EYS: variants seen among roughly 807,000 people sequenced by gnomAD.
EYS encodes the protein EGF-like photoreceptor maintenance factor.
Under a neutral mutation model 282.1 loss-of-function variants are expected in EYS, and 250 were observed. That is an observed-to-expected ratio of 0.89 (90% CI 0.80 to 0.98). The LOEUF is 0.98. Among genes scored for constraint, EYS ranks in the 50% least tolerant of loss-of-function variants. The pLI is 0.00. For missense variants in EYS, 4,016 were observed against 3,709.0 expected, an observed-to-expected ratio of 1.08 and a Z score of -2.15; for synonymous variants, 1,355 against 1,282.9, an observed-to-expected ratio of 1.06 and a Z score of -1.20.
chr6:64,718,754 A>C (rs1249508493), intron 22 of EYS, among the ~76,000 whole-genome samples: 1 of 152,230 alleles, frequency 6.6e-6, no homozygotes, highest in Admixed American at 6.5e-5. Context: ...CTGTTGACAA[A>C]ATTAAAATAC....
intron 8 of EYS, among the ~76,000 whole-genome samples, chr6:65,363,141 A>T (rs34635667): frequency 0.22 from 32,949 of 148,628 alleles, 3,797 homozygotes; most frequent in South Asian, 0.38. Context: ...TGTGATCATC[A>T]GGGCTACAAA....
At chr6:64,650,096 G>A (rs1156834472) in intron 22 of EYS, among the ~76,000 whole-genome samples, 1 of 151,972 alleles carries the variant, frequency 6.6e-6, no homozygotes, top group African/African-American at 2.4e-5. Flanking sequence ...ATACTGTTAA[G>A]AAGTTAATGA....
chr6:64,548,682 G>T (rs557972168), intron 26 of EYS, among the ~76,000 whole-genome samples: 1 of 152,178 alleles, frequency 6.6e-6, no homozygotes, highest in African/African-American at 2.4e-5. Flanking sequence ...CTGTTGTGGG[G>T]TGTGGGGAGG....
intron 31 of EYS, among the ~76,000 whole-genome samples, chr6:64,171,201 A>G (rs961520928): frequency 6.6e-6 from 1 of 152,206 alleles, no homozygotes; most frequent in Non-Finnish European, 1.5e-5. Flanking sequence ...AAATCATCCA[A>G]ATAATGATAA....
At chr6:64,040,152 A>G (rs1167268848) in intron 33 of EYS, among the ~76,000 whole-genome samples, 1 of 152,200 alleles carries the variant, frequency 6.6e-6, no homozygotes, top group Non-Finnish European at 1.5e-5. Context: ...AATAATTCTT[A>G]TCTCTGCATT....
chr6:64,818,647 T>C (rs1255324391), intron 21 of EYS, among the ~76,000 whole-genome samples: 1 of 151,758 alleles, frequency 6.6e-6, no homozygotes, highest in Admixed American at 6.6e-5. Context: ...GAATTTGGAG[T>C]CAAATGTTTG....
At chr6:63,763,743 C>T (rs1464783139) in intron 40 of EYS, among the ~76,000 whole-genome samples, 1 of 151,784 alleles carries the variant, frequency 6.6e-6, no homozygotes, top group Admixed American at 6.6e-5. Flanking sequence ...AATTAAACCT[C>T]TTTCCTTTAT....
At chr6:64,132,473 C>T (rs1774012775) in intron 31 of EYS, among the ~76,000 whole-genome samples, 1 of 151,832 alleles carries the variant, frequency 6.6e-6, no homozygotes, top group Non-Finnish European at 1.5e-5. Context: ...TCAAGAATCT[C>T]TTTTCTTGCA....
chr6:64,577,694 C>T (rs1190980251), intron 26 of EYS, among the ~76,000 whole-genome samples: 2 of 152,104 alleles, frequency 1.3e-5, no homozygotes, highest in Non-Finnish European at 2.9e-5. Flanking sequence ...CACGACTTAT[C>T]AACTCTTGGC....
intron 22 of EYS, among the ~76,000 whole-genome samples, chr6:64,773,726 G>C (rs1773594115): frequency 1.3e-5 from 2 of 152,000 alleles, no homozygotes; most frequent in Admixed American, 1.3e-4. Flanking sequence ...CTAATGATTA[G>C]AGATGTTGAG....
At chr6:64,432,639 T>C (rs1288472033) in intron 28 of EYS, among the ~76,000 whole-genome samples, 2 of 151,930 alleles carry the variant, frequency 1.3e-5, no homozygotes, top group East Asian at 1.9e-4. Flanking sequence ...ATTATAACTA[T>C]ACCAACAGAC....
chr6:64,439,105 C>T (rs1364431682), intron 27 of EYS, 57 bp downstream of exon 27: 1 of 905,238 alleles, frequency 1.1e-6, no homozygotes, highest in African/African-American at 1.8e-5. Context: ...ACCAATGAAG[C>T]ACATAATTAG....
At chr6:65,056,946 C>T (rs1205226173) in intron 13 of EYS, among the ~76,000 whole-genome samples, 1 of 151,792 alleles carries the variant, frequency 6.6e-6, no homozygotes, top group Non-Finnish European at 1.5e-5. Flanking sequence ...AACAATCTTA[C>T]ATTTTTCATA....
intron 1 of EYS, among the ~76,000 whole-genome samples, chr6:65,681,918 T>C (rs1768838657): frequency 6.6e-6 from 1 of 151,920 alleles, no homozygotes; most frequent in Non-Finnish European, 1.5e-5. Flanking sequence ...TCAAGCTCTG[T>C]GAGAGAGTAG....
intron 13 of EYS, among the ~76,000 whole-genome samples, chr6:65,052,748 A>G (rs28396774): frequency 0.016 from 2,442 of 151,772 alleles, 78 homozygotes; most frequent in African/African-American, 0.056. Flanking sequence ...AAAACCAAAT[A>G]ATACCCTTTC....
chr6:64,047,065 T>TC (rs148036892), intron 33 of EYS, among the ~76,000 whole-genome samples: 3,016 of 152,090 alleles, frequency 0.02, 112 homozygotes, highest in African/African-American at 0.069. Context: ...TGACTTTTTT[T>TC]CCCCCTCTCA....
At chr6:64,100,760 G>C (rs1477983209) in intron 31 of EYS, among the ~76,000 whole-genome samples, 1 of 152,116 alleles carries the variant, frequency 6.6e-6, no homozygotes, top group African/African-American at 2.4e-5. Context: ...CCTTACATGA[G>C]AGAAGGGTCA....
intron 16 of EYS, among the ~76,000 whole-genome samples, chr6:64,908,938 G>A (rs543873854): frequency 5.3e-5 from 8 of 152,252 alleles, no homozygotes; most frequent in African/African-American, 1.7e-4. Flanking sequence ...TCCTGTCTGA[G>A]AATTTAACTT....
chr6:64,442,044 C>T (rs141322300), intron 26 of EYS, among the ~76,000 whole-genome samples: 57 of 152,084 alleles, frequency 3.7e-4, no homozygotes, highest in Admixed American at 2.0e-4. Flanking sequence ...CAGAAGAAGA[C>T]AGGAAAATGT....
Sources: gnomAD v4.1 joint callset for allele counts (sites outside exome capture counted in the v4.1 genomes callset) on GRCh38, gnomAD v4.1.1 for gene constraint, MANE v1.5 for transcripts, NCBI Gene and HGNC (gene_info 2026-07-23, HGNC 2026-07-21) for gene names.